Variants in KIAA0753 observed in about 807,000 individuals in gnomAD.
KIAA0753 encodes KIAA0753.
KIAA0753 carries 114 observed loss-of-function variants against 116.9 expected under a neutral mutation model. That is an observed-to-expected ratio of 0.98 (90% CI 0.84 to 1.14). KIAA0753 has a LOEUF of 1.14. Among genes scored for constraint, KIAA0753 ranks in the 50% most tolerant of loss-of-function variants. The probability of loss-of-function intolerance (pLI) is 0.00; values close to 1 mark genes in which losing one functional copy is unlikely to be tolerated. For missense variants in KIAA0753, 1,156 were observed against 1,172.4 expected (o/e 0.99, Z 0.20); for synonymous variants, 405 against 413.1 (o/e 0.98, Z 0.24).
chr17:6,595,147 A>T, intron 15 of KIAA0753, 94 bp from the exon 16 acceptor site: 1 of 795,108 alleles, frequency 1.3e-6, no homozygotes, highest in Non-Finnish European at 2.1e-6. Context: ...AGCAGACACA[A>T]CTGATACGGA....
chr17:6,586,328 C>T (rs972234250), intron 18 of KIAA0753, among the ~76,000 whole-genome samples: 77 of 152,174 alleles, frequency 5.1e-4, no homozygotes, highest in Non-Finnish European at 1.5e-5. Context: ...TATAGCAATG[C>T]AAGAATGGCC....
rs981504478 is a variant in KIAA0753, at chr17:6,598,667, C to T, written c.2172+570G>A. On this transcript the variant is annotated intron_variant, in intron 14 of 18. Transcript: ENST00000361413. ...GCTCTAAGCCTAGGCAAGGCAGAAA[C>T]ATTTCTACAAATATTAAAAACAGGT... is the stretch of plus-strand genomic sequence containing the variant. 2.0e-5 allele frequency among the ~76,000 whole-genome samples: 3 copies of T among 152,230 alleles called. No homozygotes were observed. The South Asian group carries it at 6.2e-4, about 31-fold the overall frequency.
chr17:6,595,349 T>A (rs1458025910), intron 15 of KIAA0753, among the ~76,000 whole-genome samples: 1 of 152,232 alleles, frequency 6.6e-6, no homozygotes, highest in Non-Finnish European at 1.5e-5. Context: ...CTCCTTAGAG[T>A]GTATTTAATT....
rs1404081372 is a variant in KIAA0753 at position 6,622,891 on chromosome 17, T to C, written c.1095A>G (p.Gln365=). The stretch of plus-strand genomic sequence containing the variant: ...GGAATTAATTCCATACCTCAATTTG[T>C]TGCAGAATATCTATAACCACATCAG... The part of the protein sequence containing the change: ...SVPDVVIDIL[Q]QIEALESLLE... The change falls in exon 6 of 19, where the codon CAA becomes CAG. Residue 365 remains glutamine (Q), a synonymous_variant. Transcript: ENST00000361413. The C allele has an allele frequency of 2.5e-6, 4 of 1,611,618 alleles. No individual in the cohort carries two copies. Among genetic ancestry groups the C allele is most frequent in the Non-Finnish European group, 3.4e-6 (4 of 1,177,850 alleles).
At chr17:6,619,863 A>G (rs911590416) in intron 7 of KIAA0753, among the ~76,000 whole-genome samples, 1 of 152,234 alleles carries the variant, frequency 6.6e-6, no homozygotes, top group Non-Finnish European at 1.5e-5. Flanking sequence ...GTATTTCATC[A>G]AATCTAAAAC....
intron 3 of KIAA0753, 85 bp downstream of exon 3, chr17:6,628,031 TA>T: frequency 4.8e-6 from 6 of 1,262,848 alleles, no homozygotes; most frequent in Non-Finnish European, 5.5e-6. Flanking sequence ...GAAATTGCTA[TA>T]GGGGTTGAGG....
At chr17:6,586,586 G>A (rs1395185477) in intron 18 of KIAA0753, among the ~76,000 whole-genome samples, 1 of 152,192 alleles carries the variant, frequency 6.6e-6, no homozygotes, top group Non-Finnish European at 1.5e-5. Flanking sequence ...CATATAGTGG[G>A]ATAGAGATAT....
rs769840990 is a variant in KIAA0753, at chr17:6,595,035, G to A, written c.2377C>T (p.Arg793Cys). 6.5e-5 allele frequency: 105 copies of A among 1,607,168 alleles called. No homozygotes were observed. The highest frequency in any genetic ancestry group is 8.0e-5 in the Non-Finnish European group (94 of 1,175,668). Residue 793 changes from arginine to cysteine, a missense_variant, in exon 16 of 19, where the codon CGT becomes TGT. Arg to Cys is a radical substitution (Grantham distance 180). Coordinates refer to ENST00000361413, the MANE Select transcript of KIAA0753 (RefSeq NM_014804.3). The stretch of plus-strand genomic sequence containing the variant: ...TATGCGATTTTATTATATCTTTGAC[G>A]AACAGACTCCTGGTATTTCTTTAAA... ...EEMEKYQESV[R>C]QRYNKIAYAD...
intron 7 of KIAA0753, among the ~76,000 whole-genome samples, chr17:6,618,117 A>G (rs1368491454): frequency 6.6e-6 from 1 of 152,078 alleles, no homozygotes; most frequent in Non-Finnish European, 1.5e-5. Flanking sequence ...AAAGAAAAAA[A>G]GAAAAAAAAA....
chr17:6,589,387 C>T (rs1335486037), intron 18 of KIAA0753, among the ~76,000 whole-genome samples: 1 of 152,206 alleles, frequency 6.6e-6, no homozygotes, highest in Admixed American at 6.5e-5. Context: ...GCCTCCAGAA[C>T]TGTGAGAAAT....
chr17:6,580,181 G>A (rs1201363108), intron 18 of KIAA0753, among the ~76,000 whole-genome samples: 2 of 151,174 alleles, frequency 1.3e-5, no homozygotes, highest in African/African-American at 2.4e-5. Flanking sequence ...GTGAGATTCC[G>A]TCTCAAAATA....
Position 6,578,931 on chromosome 17 carries a change from T to C in KIAA0753, c.*816A>G, listed in dbSNP as rs1967947942. 1 of 152,134 alleles carries C rather than the reference T, an allele frequency of 6.6e-6. No individual in the cohort carries two copies. The highest frequency in any genetic ancestry group is 2.4e-5 in the African/African-American group (1 of 41,436). The allele number at this position is 152,134 out of a possible 1,614,324, so 9.4% of individuals were successfully genotyped here. A position where few individuals can be genotyped will look rare whatever the true frequency, so the allele number is the denominator to read the frequency against. ...CCCTACTCCCACTTGGGTTCCTTTGTGGTATGAAATAGAGACACTTCTGAC... is the reference window on the plus strand; with the variant it reads ...CCCTACTCCCACTTGGGTTCCTTTGCGGTATGAAATAGAGACACTTCTGAC... On this transcript the variant is annotated 3_prime_UTR_variant, in exon 19 of 19. Coordinates refer to ENST00000361413, the MANE Select transcript of KIAA0753 (RefSeq NM_014804.3).
At chr17:6,633,266 T>C (rs1282913646) in intron 2 of KIAA0753, among the ~76,000 whole-genome samples, 1 of 152,220 alleles carries the variant, frequency 6.6e-6, no homozygotes, top group Non-Finnish European at 1.5e-5. Context: ...AGGAATTCTG[T>C]GGACTATTCT....
intron 15 of KIAA0753, 34 bp from the exon 16 acceptor site, chr17:6,595,087 G>A (rs761240550): frequency 6.9e-7 from 1 of 1,449,674 alleles, no homozygotes; most frequent in Non-Finnish European, 9.6e-7. Context: ...TAATTTATGA[G>A]AAAAAATGAG....
intron 13 of KIAA0753, 128 bp downstream of exon 13, chr17:6,600,252 C>A: frequency 2.8e-6 from 2 of 709,408 alleles, no homozygotes; most frequent in Admixed American, 2.2e-5. Context: ...GTGTGGTGGT[C>A]TGGGGGTATC....
intron 16 of KIAA0753, 105 bp from the exon 17 acceptor site, chr17:6,590,735 T>TC: frequency 8.2e-7 from 1 of 1,216,566 alleles, no homozygotes; most frequent in Non-Finnish European, 1.2e-6. Context: ...CATGGACATC[T>TC]CTTAAGCACG....
At chr17:6,611,893 G>T (rs2150838780) in intron 8 of KIAA0753, 26 bp downstream of exon 8, 1 of 1,591,836 alleles carries the variant, frequency 6.3e-7, no homozygotes, top group South Asian at 1.1e-5. Context: ...ACACAAATGG[G>T]CCAAAAGAGA....
intron 14 of KIAA0753, among the ~76,000 whole-genome samples, chr17:6,597,159 T>C (rs1195437333): frequency 1.3e-5 from 2 of 152,192 alleles, no homozygotes; most frequent in Non-Finnish European, 2.9e-5. Flanking sequence ...CTGAGACACT[T>C]AGCATAGTGC....
intron 8 of KIAA0753, 51 bp downstream of exon 8, chr17:6,611,868 G>T: frequency 6.7e-7 from 1 of 1,500,120 alleles, no homozygotes; most frequent in South Asian, 1.1e-5. Flanking sequence ...ATGTGACCTT[G>T]ACAATGTCAG....
Sources: allele counts gnomAD v4.1 joint callset (sites outside exome capture counted in the v4.1 genomes callset), GRCh38; gene constraint gnomAD v4.1.1; transcripts MANE v1.5; gene names NCBI Gene and HGNC (gene_info 2026-07-23, HGNC 2026-07-21).